Variants in SPDYE10 observed in about 807,000 individuals in gnomAD.
The protein encoded by SPDYE10 is speedy/RINGO cell cycle regulator family member E10, also known as speedy protein E10.
At chr7:73,131,039 CAA>C in the SPDYE10 span, among the ~76,000 whole-genome samples, 2 of 91,956 alleles carry the variant, frequency 2.2e-5, no homozygotes, top group Non-Finnish European at 3.9e-5. Context: ...CCCACCTCCA[CAA>C]AAAATAAAAA....
the SPDYE10 span, among the ~76,000 whole-genome samples, chr7:73,127,432 G>A: frequency 1.7e-5 from 2 of 117,158 alleles, no homozygotes; most frequent in East Asian, 2.0e-4. Context: ...GGTGGTGTGC[G>A]CTTGTAATCC....
At chr7:73,131,834 CTT>C in the SPDYE10 span, among the ~76,000 whole-genome samples, 8 of 151,728 alleles carry the variant, frequency 5.3e-5, no homozygotes, top group African/African-American at 1.9e-4. Context: ...CACACCTAGC[CTT>C]ACGCTTTGTG....
the SPDYE10 span, among the ~76,000 whole-genome samples, chr7:73,137,630 G>GAAAGAAAGAAAGA: frequency 3.3e-4 from 45 of 136,624 alleles, no homozygotes; most frequent in Admixed American, 7.4e-4. Flanking sequence ...AAGAAAGAAA[G>GAAAGAAAGAAAGA]AAAGAAAGAA....
At chr7:73,114,726 C>T in the SPDYE10 span, among the ~76,000 whole-genome samples, 2 of 148,448 alleles carry the variant, frequency 1.3e-5, no homozygotes, top group Non-Finnish European at 3.0e-5. Context: ...TTGGTAGAGA[C>T]GATGTTTCAC....
chr7:73,145,754 T>C, the SPDYE10 span, among the ~76,000 whole-genome samples: 1 of 146,712 alleles, frequency 6.8e-6, no homozygotes, highest in Non-Finnish European at 1.5e-5. Context: ...AGACAAGGCT[T>C]GTGACATGGG....
chr7:73,111,663 G>T, the SPDYE10 span, among the ~76,000 whole-genome samples: 4 of 50,774 alleles, frequency 7.9e-5, no homozygotes, highest in African/African-American at 2.5e-4. Context: ...AAAGTGCTGG[G>T]ATTACAAGTG....
chr7:73,134,537 A>AAAAGAAAGAAAGAAAGAAAGAAAGAAAG, the SPDYE10 span, among the ~76,000 whole-genome samples: 1 of 139,530 alleles, frequency 7.2e-6, no homozygotes, highest in African/African-American at 2.9e-5. Context: ...GAAAGAAAGA[A>AAAAGAAAGAAAGAAAGAAAGAAAGAAAG]AAAGAAAGAA....
chr7:73,128,352 T>G, the SPDYE10 span, among the ~76,000 whole-genome samples: 1 of 143,330 alleles, frequency 7.0e-6, no homozygotes, highest in Non-Finnish European at 1.5e-5. Flanking sequence ...TACAGTTTTG[T>G]GAGTCTGGCA....
At chr7:73,114,590 A>G in the SPDYE10 span, among the ~76,000 whole-genome samples, 1 of 137,552 alleles carries the variant, frequency 7.3e-6, no homozygotes, top group South Asian at 2.4e-4. Flanking sequence ...AGGCTAGAGT[A>G]CAGTGGCATG....
At chr7:73,125,191 T>C in the SPDYE10 span, among the ~76,000 whole-genome samples, 1 of 144,464 alleles carries the variant, frequency 6.9e-6, no homozygotes, top group South Asian at 2.2e-4. Context: ...CCCTCCTCTC[T>C]CTCCATCCAC....
chr7:73,134,537 A>AAGAAAGAAAGAAAGAAAAAGAAAGAAAG, the SPDYE10 span, among the ~76,000 whole-genome samples: 41 of 139,622 alleles, frequency 2.9e-4, no homozygotes, highest in African/African-American at 1.2e-3. Context: ...GAAAGAAAGA[A>AAGAAAGAAAGAAAGAAAAAGAAAGAAAG]AAAGAAAGAA....
chr7:73,142,986 GGAAGGAAGGA>G, the SPDYE10 span, among the ~76,000 whole-genome samples: 8 of 114,808 alleles, frequency 7.0e-5, no homozygotes, highest in East Asian at 4.5e-4. Flanking sequence ...GAGGGAGGAA[GGAAGGAAGGA>G]AGGAAGGAAG....
the SPDYE10 span, among the ~76,000 whole-genome samples, chr7:73,123,765 TTCTCTCTCTCTCTCTCTCTCTCCCTCTC>T: frequency 1.2e-5 from 1 of 82,302 alleles, no homozygotes; most frequent in African/African-American, 4.0e-5. Flanking sequence ...GCCATTTCCT[TTCTCTCTCTCTCTCTCTCTCTCCCTCTC>T]TCTCTCTCTC....
chr7:73,128,411 T>G, the SPDYE10 span, among the ~76,000 whole-genome samples: 1 of 142,052 alleles, frequency 7.0e-6, no homozygotes, highest in Non-Finnish European at 1.5e-5. Flanking sequence ...TATAAAAGGG[T>G]TCCATCATTC....
the SPDYE10 span, among the ~76,000 whole-genome samples, chr7:73,117,090 GT>G: frequency 7.0e-6 from 1 of 143,252 alleles, no homozygotes; most frequent in Non-Finnish European, 1.5e-5. Flanking sequence ...TGTTGTTGTT[GT>G]TTTTTAAGAT....
At chr7:73,123,788 C>CCTCTCTCTCTCTCCCT in the SPDYE10 span, among the ~76,000 whole-genome samples, 1 of 97,458 alleles carries the variant, frequency 1.0e-5, no homozygotes, top group Non-Finnish European at 1.9e-5. Context: ...TCTCTCTCTC[C>CCTCTCTCTCTCTCCCT]CTCTCTCTCT....
chr7:73,137,815 A>T, the SPDYE10 span, among the ~76,000 whole-genome samples: 3 of 38,288 alleles, frequency 7.8e-5, no homozygotes, highest in African/African-American at 4.4e-4. Context: ...GGAGAAGGGG[A>T]GGGGAAGGAG....
chr7:73,149,689 C>T, the SPDYE10 span, among the ~76,000 whole-genome samples: 2 of 148,644 alleles, frequency 1.3e-5, no homozygotes, highest in African/African-American at 5.0e-5. Context: ...CAGTCAGATG[C>T]AAAGTCCAAG....
chr7:73,104,208 TAAA>T, the SPDYE10 span: 1 of 134,100 alleles, frequency 7.5e-6, no homozygotes, highest in Non-Finnish European at 1.6e-5. Context: ...AAATATCAAA[TAAA>T]AATTTATTTT....
Sources: gnomAD v4.1 joint callset for allele counts (sites outside exome capture counted in the v4.1 genomes callset) on GRCh38, gnomAD v4.1.1 for gene constraint, MANE v1.5 for transcripts, NCBI Gene and HGNC (gene_info 2026-07-23, HGNC 2026-07-21) for gene names.